The following TMEM132C variants were observed in gnomAD, a reference collection of about 807,000 sequenced individuals.
TMEM132C encodes transmembrane protein 132C, also known as protein phosphatase 1, regulatory subunit 152.
In TMEM132C, 29 loss-of-function variants were observed where a neutral mutation model predicts 61.4. The observed-to-expected ratio is 0.47, with a 90% confidence interval of 0.35 to 0.64. The LOEUF (loss-of-function observed/expected upper bound fraction) is 0.64. TMEM132C is among the 30% of genes least tolerant of loss of function. The probability of loss-of-function intolerance (pLI) is 0.00; values close to 1 mark genes in which losing one functional copy is unlikely to be tolerated. For missense variants in TMEM132C, 1,408 were observed against 1,476.9 expected (o/e 0.95, Z 0.76); for synonymous variants, 656 against 633.1 (o/e 1.04, Z -0.54).
chr12:128,663,876 A>C, intron 4 of TMEM132C, among the ~76,000 whole-genome samples: 1 of 143,620 alleles, frequency 7.0e-6, no homozygotes, highest in African/African-American at 2.5e-5. Context: ...AGGCACACAC[A>C]CATACAGGCA....
intron 5 of TMEM132C, among the ~76,000 whole-genome samples, chr12:128,690,590 AT>A: frequency 6.6e-6 from 1 of 152,218 alleles, no homozygotes; most frequent in East Asian, 1.9e-4. Context: ...AAATTACAAC[AT>A]TGACTAAAGA....
chr12:128,307,000 T>C (rs1871805766), intron 1 of TMEM132C, among the ~76,000 whole-genome samples: 1 of 152,102 alleles, frequency 6.6e-6, no homozygotes, highest in Admixed American at 6.5e-5. Flanking sequence ...CCCTCAACTA[T>C]TATTGAAGGA....
intron 3 of TMEM132C, among the ~76,000 whole-genome samples, chr12:128,603,630 T>G (rs1452228863): frequency 2.0e-5 from 3 of 152,168 alleles, no homozygotes; most frequent in African/African-American, 4.8e-5. Flanking sequence ...ATATATTTAC[T>G]TTTTTACTCA....
At chr12:128,343,304 G>C (rs1873038073) in intron 1 of TMEM132C, among the ~76,000 whole-genome samples, 1 of 151,816 alleles carries the variant, frequency 6.6e-6, no homozygotes, top group African/African-American at 2.4e-5. Context: ...CGTGGTTGTA[G>C]TCCCAGCTAC....
chr12:128,691,945 C>A lies in TMEM132C; in HGVS notation c.1450-1884C>A, dbSNP rs548032762. Reference sequence around the variant, plus strand: ...TTCATCTATCTATCCAGCTGTCTACCCATTTGTCCACTACCCATTCACCTG... The same window carrying A: ...TTCATCTATCTATCCAGCTGTCTACACATTTGTCCACTACCCATTCACCTG... On this transcript the variant is annotated intron_variant, in intron 5 of 8. Coordinates refer to ENST00000435159, the MANE Select transcript of TMEM132C (RefSeq NM_001136103.3). 3.5e-4 allele frequency among the ~76,000 whole-genome samples: 52 copies of A among 148,780 alleles called. 1 individual carries two copies. The South Asian group carries it at 0.01, about 29-fold the overall frequency.
intron 1 of TMEM132C, among the ~76,000 whole-genome samples, chr12:128,294,676 C>A (rs1871347416): frequency 6.6e-6 from 1 of 152,110 alleles, no homozygotes; most frequent in South Asian, 2.1e-4. Flanking sequence ...CTTCCTGGTT[C>A]ATAGACAGGG....
At chr12:128,663,785 C>T (rs1294030143) in intron 4 of TMEM132C, among the ~76,000 whole-genome samples, 1 of 152,164 alleles carries the variant, frequency 6.6e-6, no homozygotes, top group Non-Finnish European at 1.5e-5. Flanking sequence ...ATATCATGCA[C>T]ACACAGGCAC....
At chr12:128,641,324 G>A (rs1954156587) in intron 4 of TMEM132C, among the ~76,000 whole-genome samples, 2 of 152,162 alleles carry the variant, frequency 1.3e-5, no homozygotes, top group African/African-American at 4.8e-5. Context: ...GAGTGGGTTG[G>A]GTTGTGTCCC....
intron 5 of TMEM132C, among the ~76,000 whole-genome samples, chr12:128,685,565 A>G (rs1954666803): frequency 6.6e-6 from 1 of 151,874 alleles, no homozygotes; most frequent in Admixed American, 6.6e-5. Context: ...AGAAGTACAC[A>G]TTTCCTAAGT....
In TMEM132C at chr12:128,705,843, C is replaced by A. The variant is rs1471824578; in HGVS notation, c.2875C>A (p.Leu959Met). ...GAAGTACAGGCACAAGCAAGTGCCC[C>A]TGGAAGGTCAGGCCTCCATGACCCA... is the stretch of plus-strand genomic sequence containing the variant. Reference protein sequence around the residue: ...ALKYRHKQVPLEGQASMTHSH... With the variant: ...ALKYRHKQVPMEGQASMTHSH... Residue 959 changes from leucine (L) to methionine (M), a missense_variant, in exon 9 of 9, where the codon CTG becomes ATG. Transcript: ENST00000435159. The A allele has an allele frequency of 7.1e-6, 11 of 1,551,708 alleles. No individual in the cohort carries two copies. The Middle Eastern group carries it at 5.0e-4, about 71-fold the overall frequency.
chr12:128,448,060 T>C (rs1187548987), intron 2 of TMEM132C, among the ~76,000 whole-genome samples: 1 of 152,170 alleles, frequency 6.6e-6, no homozygotes, highest in African/African-American at 2.4e-5. Flanking sequence ...CATTCTCCCA[T>C]TTCTGAAACA....
intron 2 of TMEM132C, among the ~76,000 whole-genome samples, chr12:128,492,354 G>T (rs1316915947): frequency 6.6e-6 from 1 of 152,102 alleles, no homozygotes; most frequent in Non-Finnish European, 1.5e-5. Context: ...ATAATCCTTT[G>T]GGTATATACC....
At chr12:128,431,529 G>C (rs1389372739) in intron 2 of TMEM132C, among the ~76,000 whole-genome samples, 5 of 150,224 alleles carry the variant, frequency 3.3e-5, no homozygotes, top group Non-Finnish European at 5.9e-5. Flanking sequence ...TGGATCTCTT[G>C]GATGACGATC....
At chr12:128,329,502 G>A (rs187039230) in intron 1 of TMEM132C, among the ~76,000 whole-genome samples, 1 of 152,236 alleles carries the variant, frequency 6.6e-6, no homozygotes, top group East Asian at 1.9e-4. Flanking sequence ...AGGTTCTTAG[G>A]GAAGAACAAA....
At chr12:128,608,305 G>A (rs1428352159) in intron 3 of TMEM132C, among the ~76,000 whole-genome samples, 1 of 152,188 alleles carries the variant, frequency 6.6e-6, no homozygotes, top group East Asian at 1.9e-4. Context: ...TCTTCTAGAG[G>A]TGAAGTTAAT....
chr12:128,583,355 G>T (rs1875416716), intron 3 of TMEM132C, among the ~76,000 whole-genome samples: 1 of 149,668 alleles, frequency 6.7e-6, no homozygotes, highest in African/African-American at 2.5e-5. Context: ...TTATTTCAGT[G>T]ATGAGATTCT....
At chr12:128,454,553 GCAATTC>G (rs1317067172) in intron 2 of TMEM132C, among the ~76,000 whole-genome samples, 8 of 152,222 alleles carry the variant, frequency 5.3e-5, no homozygotes, top group African/African-American at 1.9e-4. Context: ...GCTTGGCTGG[GCAATTC>G]TCACTTGGGG....
At chr12:128,642,511 T>A (rs1159626822) in intron 4 of TMEM132C, among the ~76,000 whole-genome samples, 3 of 152,222 alleles carry the variant, frequency 2.0e-5, no homozygotes, top group Non-Finnish European at 1.5e-5. Context: ...CCCTCATGAA[T>A]GTCTTGATAT....
intron 2 of TMEM132C, among the ~76,000 whole-genome samples, chr12:128,444,857 A>G (rs1869920481): frequency 1.3e-5 from 2 of 152,140 alleles, no homozygotes; most frequent in Admixed American, 1.3e-4. Flanking sequence ...AGGAACGACC[A>G]TTAGGAAGTG....
Sources: allele counts gnomAD v4.1 joint callset (sites outside exome capture counted in the v4.1 genomes callset), GRCh38; gene constraint gnomAD v4.1.1; transcripts MANE v1.5; gene names NCBI Gene and HGNC (gene_info 2026-07-23, HGNC 2026-07-21).